The following DSE variants were observed in gnomAD, a reference collection of about 807,000 sequenced individuals.
DSE encodes dermatan-sulfate epimerase.
A neutral mutation model predicts 84.4 loss-of-function variants in DSE; 36 were observed. That is an observed-to-expected ratio of 0.43 (90% CI 0.33 to 0.56). The LOEUF is 0.56. Ranked by LOEUF, DSE falls within the 20% of genes least tolerant of loss-of-function variation. DSE has a pLI of 0.06. For missense variants in DSE, 862 were observed against 1,169.6 expected (o/e 0.74, Z 3.84); for synonymous variants, 410 against 430.1 (o/e 0.95, Z 0.58).
At chr6:116,430,890 C>A in intron 3 of DSE, 64 bp from the exon 4 acceptor site, 1 of 1,582,720 alleles carries the variant, frequency 6.3e-7, no homozygotes, top group South Asian at 1.1e-5. Flanking sequence ...TTTTATTGGC[C>A]ATATTTTTGT....
At chr6:116,275,084 C>T (rs6568924) in intron 2 of DSE, among the ~76,000 whole-genome samples, 36,754 of 152,010 alleles carry the variant, frequency 0.24, 5,562 homozygotes, top group East Asian at 0.64. Context: ...TTTTTCTTTC[C>T]ATACTGAGTC....
intron 2 of DSE, among the ~76,000 whole-genome samples, chr6:116,356,041 C>T (rs1425858630): frequency 6.6e-6 from 1 of 152,182 alleles, no homozygotes; most frequent in Non-Finnish European, 1.5e-5. Context: ...TTATTCAACC[C>T]ACCCCTGAAT....
chr6:116,299,550 A>ATATATATG (rs1774899694), intron 2 of DSE, among the ~76,000 whole-genome samples: 1 of 30,442 alleles, frequency 3.3e-5, no homozygotes, highest in African/African-American at 2.0e-4. Flanking sequence ...ATATATATAT[A>ATATATATG]TACACATACA....
In DSE at chr6:116,380,389, G is replaced by A. The variant is rs563412928; in HGVS notation, c.-54+9268G>A. 3.9e-5 allele frequency among the ~76,000 whole-genome samples: 6 copies of A among 152,002 alleles called. No individual in the cohort carries two copies. The South Asian group carries it at 6.2e-4, about 16-fold the overall frequency. ...AACTTTGTGAGAACAATTAGGTGCCGAATGGACATAAATGCAGTAGGATTG... is the reference window on the plus strand; with the variant it reads ...AACTTTGTGAGAACAATTAGGTGCCAAATGGACATAAATGCAGTAGGATTG... On this transcript the variant is annotated intron_variant, in intron 1 of 5. Transcript: ENST00000644252.
intron 2 of DSE, among the ~76,000 whole-genome samples, chr6:116,424,601 C>A (rs1304836974): frequency 6.6e-6 from 1 of 152,154 alleles, no homozygotes; most frequent in East Asian, 1.9e-4. Flanking sequence ...CTGTGTGCCA[C>A]ACTGTTCTAT....
intron 2 of DSE, among the ~76,000 whole-genome samples, chr6:116,284,533 T>C (rs1249947984): frequency 6.6e-6 from 1 of 152,130 alleles, no homozygotes; most frequent in African/African-American, 2.4e-5. Flanking sequence ...TATTATACTT[T>C]AAGTTCTAGG....
At chr6:116,360,323 A>C (rs1562253021) in intron 2 of DSE, among the ~76,000 whole-genome samples, 1 of 152,218 alleles carries the variant, frequency 6.6e-6, no homozygotes, top group Non-Finnish European at 1.5e-5. Flanking sequence ...CACATCCTGC[A>C]CATGTACCCT....
Position 116,381,357 on chromosome 6 carries a change from T to C in DSE, c.-54+10236T>C, listed in dbSNP as rs1673234053. Among the ~76,000 whole-genome samples, 3 of 152,102 alleles carry C rather than the reference T, an allele frequency of 2.0e-5. No homozygotes were observed. The South Asian group carries it at 6.2e-4, about 32-fold the overall frequency. On this transcript the variant is annotated intron_variant, in intron 1 of 5. Coordinates refer to ENST00000644252, the MANE Select transcript of DSE (RefSeq NM_013352.4). ...GAAACGAGGGATGAGATTGAGAAGA[T>C]AGGCCAGAGCTAGATTATGAAAGCT...
intron 2 of DSE, among the ~76,000 whole-genome samples, chr6:116,319,471 C>T (rs1051916338): frequency 1.3e-5 from 2 of 152,194 alleles, no homozygotes; most frequent in Admixed American, 6.5e-5. Context: ...GCCCTTGAAG[C>T]CTCTGCTTAC....
In DSE at chr6:116,376,719, G is replaced by A. The variant is rs1779953829; in HGVS notation, c.-54+5598G>A. 2.6e-5 allele frequency among the ~76,000 whole-genome samples: 4 copies of A among 152,160 alleles called. No homozygotes were observed. The South Asian group carries it at 6.2e-4, about 24-fold the overall frequency. On this transcript the variant is annotated intron_variant, in intron 1 of 5. Transcript: ENST00000644252. ...ATTTGCCCTTCAGTAATATGTAGAA[G>A]CTATGAACAATACTGACAAATAAGC...
Position 116,399,634 on chromosome 6 carries a change from C to T in DSE, c.384C>T (p.Asp128=), listed in dbSNP as rs1337168452. The change falls in exon 2 of 6, where the codon GAC becomes GAT. Residue 128 remains aspartate (D), a synonymous_variant. Coordinates refer to ENST00000644252, the MANE Select transcript of DSE (RefSeq NM_013352.4). ...ENIEARDMAK[D]YMERMAAQPS... is the part of the protein sequence containing the mutation. ...TTGAAGCCCGAGACATGGCCAAAGA[C>T]TACATGGAGAGGATGGCAGCGCAGC... The T allele has an allele frequency of 6.2e-7, 1 of 1,613,944 alleles. No individual in the cohort carries two copies. The highest frequency in any genetic ancestry group is 8.5e-7 in the Non-Finnish European group (1 of 1,179,928).
chr6:116,360,195 G>A (rs1778810559), intron 2 of DSE, among the ~76,000 whole-genome samples: 2 of 152,148 alleles, frequency 1.3e-5, no homozygotes, highest in African/African-American at 4.8e-5. Context: ...GGGCCTGTGG[G>A]TGACAGGGGA....
intron 2 of DSE, among the ~76,000 whole-genome samples, chr6:116,300,709 A>C (rs1774986007): frequency 6.6e-6 from 1 of 152,164 alleles, no homozygotes; most frequent in African/African-American, 2.4e-5. Flanking sequence ...CACCCTTTGA[A>C]TCTGAGTCCA....
intron 2 of DSE, among the ~76,000 whole-genome samples, chr6:116,328,763 T>A (rs1466969339): frequency 6.6e-6 from 1 of 152,224 alleles, no homozygotes; most frequent in Admixed American, 6.5e-5. Flanking sequence ...TCCAGAAGAC[T>A]ATCTGGCCTG....
chr6:116,375,702 C>G (rs575342383), intron 1 of DSE, among the ~76,000 whole-genome samples: 2 of 152,228 alleles, frequency 1.3e-5, no homozygotes, highest in African/African-American at 4.8e-5. Context: ...TTAGTAAACT[C>G]TCACTTATAA....
At chr6:116,279,793 A>C in intron 2 of DSE, 1 of 1,612,786 alleles carries the variant, frequency 6.2e-7, no homozygotes, top group Non-Finnish European at 8.5e-7. Flanking sequence ...GTGGGTTTGG[A>C]GGGGAGTGGT....
chr6:116,329,712 A>G (rs1324442164), intron 2 of DSE, among the ~76,000 whole-genome samples: 1 of 152,274 alleles, frequency 6.6e-6, no homozygotes, highest in Admixed American at 6.5e-5. Flanking sequence ...CCATGACTAT[A>G]TAAAGATTAA....
chr6:116,325,880 C>G (rs556131876), intron 2 of DSE, among the ~76,000 whole-genome samples: 1 of 152,244 alleles, frequency 6.6e-6, no homozygotes, highest in East Asian at 1.9e-4. Context: ...CAATTCTCCT[C>G]CCTTTTAAGG....
At chr6:116,339,085 C>G (rs977722104) in intron 2 of DSE, among the ~76,000 whole-genome samples, 2 of 152,092 alleles carry the variant, frequency 1.3e-5, no homozygotes, top group Non-Finnish European at 2.9e-5. Flanking sequence ...GTCTTCTTGT[C>G]TGTAACTGGC....
Sources: gnomAD v4.1 joint callset for allele counts (sites outside exome capture counted in the v4.1 genomes callset) on GRCh38, gnomAD v4.1.1 for gene constraint, MANE v1.5 for transcripts, NCBI Gene and HGNC (gene_info 2026-07-23, HGNC 2026-07-21) for gene names.